WDPCP: variants seen among roughly 807,000 people sequenced by gnomAD.
WDPCP encodes the protein WD repeat-containing and planar cell polarity effector protein fritz homolog.
In WDPCP, 71 loss-of-function variants were observed where a neutral mutation model predicts 93.1. That is an observed-to-expected ratio of 0.76 (90% CI 0.63 to 0.93). WDPCP has a LOEUF of 0.93. WDPCP is among the 40% of genes least tolerant of loss of function. The pLI is 0.00. For synonymous variants in WDPCP, 315 were observed against 315.0 expected (o/e 1.00, Z 0.00); for missense variants, 844 against 887.4 (o/e 0.95, Z 0.62).
At chr2:63,395,071 C>A (rs1415103156) in intron 10 of WDPCP, among the ~76,000 whole-genome samples, 1 of 151,964 alleles carries the variant, frequency 6.6e-6, no homozygotes, top group Non-Finnish European at 1.5e-5. Flanking sequence ...GACATAATGA[C>A]CTACTGCTCA....
chr2:63,526,953 G>A lies in WDPCP; in HGVS notation c.76-34013C>T, dbSNP rs372613031. 2.0e-4 allele frequency among the ~76,000 whole-genome samples: 30 copies of A among 152,208 alleles called. No individual in the cohort carries two copies. The East Asian group carries it at 3.9e-3, about 20-fold the overall frequency. ...AGTATTCAATAAATATTCGATGAAC[G>A]GAGATTAGGGAAAAGAACACACAGC... On this transcript the variant is annotated intron_variant, in intron 1 of 17. Transcript: ENST00000272321.
chr2:63,495,025 G>A (rs1057198267), intron 1 of WDPCP, among the ~76,000 whole-genome samples: 24 of 152,018 alleles, frequency 1.6e-4, no homozygotes, highest in Non-Finnish European at 2.1e-4. Flanking sequence ...GAGGAAACAG[G>A]CTACAATAGT....
intron 2 of WDPCP, among the ~76,000 whole-genome samples, chr2:63,761,411 A>G (rs998504012): frequency 6.6e-6 from 1 of 152,180 alleles, no homozygotes; most frequent in Non-Finnish European, 1.5e-5. Flanking sequence ...TATAGCAACA[A>G]AAAATGGACT....
chr2:63,282,968 T>C (rs1016695018), intron 13 of WDPCP, among the ~76,000 whole-genome samples: 6 of 152,200 alleles, frequency 3.9e-5, no homozygotes, highest in Admixed American at 1.3e-4. Flanking sequence ...GGATTCAACA[T>C]AGCGTTTGGC....
intron 2 of WDPCP, among the ~76,000 whole-genome samples, chr2:63,760,211 G>T (rs946097374): frequency 4.6e-5 from 7 of 152,084 alleles, no homozygotes; most frequent in Non-Finnish European, 8.8e-5. Flanking sequence ...TAAACCCCAA[G>T]CATAAAGCCC....
At chr2:63,644,132 A>C (rs1274584693) in intron 3 of WDPCP, 1 of 335,090 alleles carries the variant, frequency 3.0e-6, no homozygotes, top group East Asian at 7.5e-5. Flanking sequence ...ATCAATGTTC[A>C]TCAGGGATAT....
intron 13 of WDPCP, among the ~76,000 whole-genome samples, chr2:63,275,586 A>G (rs1438512950): frequency 6.6e-6 from 1 of 152,242 alleles, no homozygotes; most frequent in Non-Finnish European, 1.5e-5. Flanking sequence ...CAGAGTTTCT[A>G]TATATCAATA....
At chr2:63,729,545 C>T (rs112082123) in intron 2 of WDPCP, among the ~76,000 whole-genome samples, 6 of 152,242 alleles carry the variant, frequency 3.9e-5, no homozygotes, top group African/African-American at 1.4e-4. Flanking sequence ...TCCTAACCCC[C>T]AATTCAAAGC....
At chr2:63,488,865 G>A (rs1323864708) in intron 2 of WDPCP, among the ~76,000 whole-genome samples, 1 of 151,834 alleles carries the variant, frequency 6.6e-6, no homozygotes, top group African/African-American at 2.4e-5. Flanking sequence ...CTGACCTACT[G>A]CATCTGGCCC....
At chr2:63,407,572 CCA>C (rs928891196) in intron 9 of WDPCP, among the ~76,000 whole-genome samples, 5 of 152,262 alleles carry the variant, frequency 3.3e-5, no homozygotes, top group East Asian at 1.9e-4. Context: ...TGCCTGAAAT[CCA>C]CAGTCTTCAC....
intron 1 of WDPCP, chr2:63,518,875 C>A (rs909545177): frequency 6.6e-6 from 1 of 152,434 alleles, no homozygotes; most frequent in Non-Finnish European, 1.5e-5. Flanking sequence ...GCGGCCCCCA[C>A]AAATGCACAC....
At chr2:63,197,616 G>C (rs1004665431) in intron 14 of WDPCP, among the ~76,000 whole-genome samples, 1 of 152,186 alleles carries the variant, frequency 6.6e-6, no homozygotes, top group African/African-American at 2.4e-5. Context: ...ATATGTATAA[G>C]GGTACTTATG....
At chr2:63,195,348 C>T (rs1292676808) in intron 14 of WDPCP, among the ~76,000 whole-genome samples, 1 of 152,160 alleles carries the variant, frequency 6.6e-6, no homozygotes. Flanking sequence ...TTAAGCAGGT[C>T]ACGTAATCTC....
intron 14 of WDPCP, among the ~76,000 whole-genome samples, chr2:63,195,463 TATA>T (rs1422724826): frequency 6.6e-6 from 1 of 152,114 alleles, no homozygotes; most frequent in African/African-American, 2.4e-5. Context: ...TGGGTCCACT[TATA>T]CATGGATTTT....
chr2:63,731,267 CAAAA>C (rs532671655), intron 2 of WDPCP, among the ~76,000 whole-genome samples: 1 of 59,852 alleles, frequency 1.7e-5, no homozygotes, highest in African/African-American at 6.4e-5. Context: ...GAATCCGTCT[CAAAA>C]AAAAAAAAAA....
At chr2:63,629,801 C>T (rs565464984) in intron 3 of WDPCP, among the ~76,000 whole-genome samples, 4 of 152,306 alleles carry the variant, frequency 2.6e-5, no homozygotes, top group South Asian at 4.1e-4. Context: ...CCCTTCCTGC[C>T]GTAGCACTGT....
chr2:63,761,508 A>AT (rs1292369087), intron 2 of WDPCP, among the ~76,000 whole-genome samples: 4 of 152,140 alleles, frequency 2.6e-5, no homozygotes, highest in African/African-American at 7.2e-5. Flanking sequence ...TTTATTAAGC[A>AT]TTAACTCACG....
Position 63,437,462 on chromosome 2 carries a change from CA to C in WDPCP, c.591del (p.Asp197GlufsTer2). 6.2e-7 allele frequency: 1 copy of C among 1,603,362 alleles called. No homozygotes were observed. Among genetic ancestry groups the C allele is most frequent in the Non-Finnish European group, 8.5e-7 (1 of 1,175,092 alleles). On this transcript the variant is annotated frameshift_variant, in exon 8 of 18. Transcript: ENST00000272321. LOFTEE classifies it high-confidence loss of function. ...IQFTKKMESS[D>X]VNKRLEKLSA... ...GAGAGTTTTTCCAGTCTTTTGTTTACATCAGAAGACTCCATCTTCTTGGTAA... is the reference window on the plus strand; with the variant it reads ...GAGAGTTTTTCCAGTCTTTTGTTTACTCAGAAGACTCCATCTTCTTGGTAA...
intron 14 of WDPCP, among the ~76,000 whole-genome samples, chr2:63,251,403 C>T (rs1239666449): frequency 6.6e-5 from 10 of 151,704 alleles, no homozygotes; most frequent in African/African-American, 2.4e-4. Flanking sequence ...ACACAACCTC[C>T]CAAGATTGAG....
Sources: allele counts gnomAD v4.1 joint callset (sites outside exome capture counted in the v4.1 genomes callset), GRCh38; gene constraint gnomAD v4.1.1; transcripts MANE v1.5; gene names NCBI Gene and HGNC (gene_info 2026-07-23, HGNC 2026-07-21).